TMEM132C: variants seen among roughly 807,000 people sequenced by gnomAD.
TMEM132C encodes transmembrane protein 132C.
A neutral mutation model predicts 61.4 loss-of-function variants in TMEM132C; 29 were observed. The observed-to-expected ratio is 0.47, with a 90% CI of 0.35 to 0.64. TMEM132C has a LOEUF of 0.64. TMEM132C is among the 30% of genes least tolerant of loss of function. The probability of loss-of-function intolerance (pLI) is 0.00; values close to 1 mark genes in which losing one functional copy is unlikely to be tolerated. For missense variants in TMEM132C, 1,408 were observed against 1,476.9 expected (o/e 0.95, Z 0.76); for synonymous variants, 656 against 633.1 (o/e 1.04, Z -0.54).
At chr12:128,484,946 A>G (rs1432240751) in intron 2 of TMEM132C, among the ~76,000 whole-genome samples, 1 of 152,128 alleles carries the variant, frequency 6.6e-6, no homozygotes, top group Non-Finnish European at 1.5e-5. Context: ...TGACAGAGTG[A>G]GACCCTGCCT....
At chr12:128,440,677 T>A (rs1245280798) in intron 2 of TMEM132C, among the ~76,000 whole-genome samples, 1 of 152,238 alleles carries the variant, frequency 6.6e-6, no homozygotes, top group African/African-American at 2.4e-5. Context: ...CAAAGGAGTC[T>A]GGGAAAGTGA....
At chr12:128,532,064 G>A (rs373656194) in intron 2 of TMEM132C, among the ~76,000 whole-genome samples, 1 of 152,348 alleles carries the variant, frequency 6.6e-6, no homozygotes, top group East Asian at 1.9e-4. Flanking sequence ...ATACAAAGCT[G>A]CATCTATGAA....
chr12:128,619,025 AC>A (rs1279581680), intron 4 of TMEM132C, among the ~76,000 whole-genome samples: 1 of 152,188 alleles, frequency 6.6e-6, no homozygotes, highest in African/African-American at 2.4e-5. Context: ...GACATTTATA[AC>A]CAGGCAAAAA....
intron 2 of TMEM132C, among the ~76,000 whole-genome samples, chr12:128,476,260 CA>C (rs67372686): frequency 0.24 from 37,107 of 152,106 alleles, 5,712 homozygotes; most frequent in African/African-American, 0.44. Flanking sequence ...AGGGATGCAG[CA>C]AGCTCCTGGG....
intron 3 of TMEM132C, among the ~76,000 whole-genome samples, chr12:128,590,983 A>G (rs982467169): frequency 6.6e-6 from 1 of 151,982 alleles, no homozygotes; most frequent in Non-Finnish European, 1.5e-5. Flanking sequence ...GGGCCTCACT[A>G]TGTTGCCCAG....
At chr12:128,593,713 C>T (rs1449695337) in intron 3 of TMEM132C, among the ~76,000 whole-genome samples, 1 of 152,214 alleles carries the variant, frequency 6.6e-6, no homozygotes, top group African/African-American at 2.4e-5. Context: ...ACCCTAATTA[C>T]GGGTCCCCAT....
At chr12:128,340,856 T>TCTTCCTTCCTTC (rs761084729) in intron 1 of TMEM132C, among the ~76,000 whole-genome samples, 2,845 of 147,336 alleles carry the variant, frequency 0.019, 72 homozygotes, top group African/African-American at 0.046. Flanking sequence ...TCTCTTTCTT[T>TCTTCCTTCCTTC]CTTCCTTCCT....
At chr12:128,319,314 C>CT in intron 1 of TMEM132C, among the ~76,000 whole-genome samples, 1 of 151,970 alleles carries the variant, frequency 6.6e-6, no homozygotes. Flanking sequence ...ACTCCTGCAT[C>CT]TTTTTTTCTC....
chr12:128,616,908 C>A (rs76714720), intron 4 of TMEM132C, among the ~76,000 whole-genome samples: 1 of 152,102 alleles, frequency 6.6e-6, no homozygotes, highest in Non-Finnish European at 1.5e-5. Context: ...CTGATGAGAA[C>A]GTGTAAGCAA....
At chr12:128,474,673 C>G (rs553061142) in intron 2 of TMEM132C, among the ~76,000 whole-genome samples, 1 of 152,266 alleles carries the variant, frequency 6.6e-6, no homozygotes, top group South Asian at 2.1e-4. Flanking sequence ...TCTGACATCC[C>G]GGGAGAAGAA....
chr12:128,647,254 T>C (rs1052943851), intron 4 of TMEM132C, among the ~76,000 whole-genome samples: 9 of 150,138 alleles, frequency 6.0e-5, no homozygotes, highest in African/African-American at 2.2e-4. Context: ...GTGTGTTTAC[T>C]AGATCCCATC....
chr12:128,315,556 G>A (rs1336354811), intron 1 of TMEM132C, among the ~76,000 whole-genome samples: 1 of 152,156 alleles, frequency 6.6e-6, no homozygotes, highest in African/African-American at 2.4e-5. Context: ...GCATTTTCAG[G>A]TTGACTCTCT....
At chr12:128,588,085 A>G (rs1875616010) in intron 3 of TMEM132C, among the ~76,000 whole-genome samples, 2 of 152,216 alleles carry the variant, frequency 1.3e-5, no homozygotes, top group African/African-American at 4.8e-5. Context: ...TTTTAAGATG[A>G]GGAAATGATT....
intron 3 of TMEM132C, among the ~76,000 whole-genome samples, chr12:128,552,262 A>G (rs1874199902): frequency 6.6e-6 from 1 of 152,290 alleles, no homozygotes; most frequent in African/African-American, 2.4e-5. Flanking sequence ...CAAATATAGT[A>G]TCTTAAAAAT....
chr12:128,311,071 T>A (rs1326546904), intron 1 of TMEM132C, among the ~76,000 whole-genome samples: 1 of 152,244 alleles, frequency 6.6e-6, no homozygotes, highest in African/African-American at 2.4e-5. Flanking sequence ...TATCAAATAC[T>A]ATTAACTGTT....
At chr12:128,649,806 T>C (rs1002281691) in intron 4 of TMEM132C, among the ~76,000 whole-genome samples, 9 of 152,256 alleles carry the variant, frequency 5.9e-5, no homozygotes, top group African/African-American at 1.9e-4. Flanking sequence ...ATTCCAAAGA[T>C]GGTGCCTGCT....
intron 1 of TMEM132C, among the ~76,000 whole-genome samples, chr12:128,320,503 T>G (rs1872296223): frequency 6.6e-6 from 1 of 152,214 alleles, no homozygotes; most frequent in African/African-American, 2.4e-5. Context: ...CAAGGGCTCA[T>G]GCCTGTAATC....
intron 1 of TMEM132C, among the ~76,000 whole-genome samples, chr12:128,332,761 T>C (rs1872694548): frequency 6.6e-6 from 1 of 152,228 alleles, no homozygotes; most frequent in Non-Finnish European, 1.5e-5. Flanking sequence ...GAGCCCTGGC[T>C]CTCCCTTCTT....
intron 2 of TMEM132C, among the ~76,000 whole-genome samples, chr12:128,449,281 C>CTCGGCTCCA (rs374035360): frequency 1.6e-4 from 24 of 152,138 alleles, no homozygotes; most frequent in African/African-American, 5.1e-4. Flanking sequence ...GGCATGTGCT[C>CTCGGCTCCA]TCGGCTCCAT....
Sources: gnomAD v4.1 joint callset for allele counts (sites outside exome capture counted in the v4.1 genomes callset) on GRCh38, gnomAD v4.1.1 for gene constraint, MANE v1.5 for transcripts, NCBI Gene and HGNC (gene_info 2026-07-23, HGNC 2026-07-21) for gene names.